The following DGKD variants were observed in gnomAD, a reference collection of about 807,000 sequenced individuals.
DGKD encodes the protein diacylglycerol kinase delta.
Under a neutral mutation model 154.4 loss-of-function variants are expected in DGKD, and 68 were observed. The ratio of observed to expected loss-of-function variants is 0.44; its 90% CI spans 0.36 to 0.54. The LOEUF (loss-of-function observed/expected upper bound fraction) is 0.54. Among genes scored for constraint, DGKD ranks in the 20% least tolerant of loss-of-function variants. DGKD has a pLI of 0.00. For missense variants in DGKD, 1,343 were observed against 1,593.6 expected (o/e 0.84, Z 2.68); for synonymous variants, 693 against 638.0 (o/e 1.09, Z -1.30).
chr2:233,453,724 A>T (rs1409187677), intron 18 of DGKD, among the ~76,000 whole-genome samples: 1 of 151,692 alleles, frequency 6.6e-6, no homozygotes, highest in Non-Finnish European at 1.5e-5. Flanking sequence ...TCGGGGGGAA[A>T]CCCCAGTGTG....
intron 3 of DGKD, among the ~76,000 whole-genome samples, chr2:233,426,244 A>T (rs1367128893): frequency 6.6e-6 from 1 of 152,094 alleles, no homozygotes; most frequent in African/African-American, 2.4e-5. Context: ...TCTCTTGTAC[A>T]GTTATTTTCT....
chr2:233,412,337 T>C (rs73995943), intron 3 of DGKD, among the ~76,000 whole-genome samples: 1,932 of 152,156 alleles, frequency 0.013, 32 homozygotes, highest in African/African-American at 0.044. Flanking sequence ...GTCTTTAACG[T>C]CTTTTGTTAG....
intron 3 of DGKD, among the ~76,000 whole-genome samples, chr2:233,397,900 G>A (rs1387392161): frequency 6.6e-6 from 1 of 151,956 alleles, no homozygotes; most frequent in African/African-American, 2.4e-5. Flanking sequence ...GGCTGGTTAA[G>A]TGAGCTCAGG....
chr2:233,456,351 G>A (rs2063461650), intron 19 of DGKD, among the ~76,000 whole-genome samples: 2 of 152,352 alleles, frequency 1.3e-5, no homozygotes, highest in East Asian at 3.9e-4. Context: ...AGCATTGCCG[G>A]CGCAGGGTAA....
chr2:233,432,740 A>G (rs917664379), intron 3 of DGKD, among the ~76,000 whole-genome samples: 7 of 152,226 alleles, frequency 4.6e-5, no homozygotes, highest in South Asian at 2.1e-4. Flanking sequence ...CGAGAGCTCA[A>G]ATAATTCAAA....
intron 1 of DGKD, among the ~76,000 whole-genome samples, chr2:233,378,137 G>T (rs1438915747): frequency 4.0e-5 from 6 of 151,694 alleles, no homozygotes; most frequent in South Asian, 4.2e-4. Flanking sequence ...TTTGAGGCCG[G>T]GTGTGGTGGC....
intron 3 of DGKD, chr2:233,429,305 A>G: frequency 4.1e-6 from 4 of 985,190 alleles, no homozygotes; most frequent in Non-Finnish European, 4.8e-6. Context: ...ACAGTAAGGT[A>G]TATTATCTTT....
chr2:233,403,663 G>A (rs1194651602), intron 3 of DGKD, among the ~76,000 whole-genome samples: 1 of 149,262 alleles, frequency 6.7e-6, no homozygotes, highest in East Asian at 2.0e-4. Context: ...TTTTTTAGAT[G>A]GAGTCTCGCT....
At chr2:233,374,260 A>G (rs1702462648) in intron 1 of DGKD, among the ~76,000 whole-genome samples, 1 of 152,156 alleles carries the variant, frequency 6.6e-6, no homozygotes, top group African/African-American at 2.4e-5. Flanking sequence ...CATGTTGGCC[A>G]GGCTGATTAC....
chr2:233,366,487 C>T (rs192706792), intron 1 of DGKD, among the ~76,000 whole-genome samples: 103 of 152,224 alleles, frequency 6.8e-4, no homozygotes, highest in African/African-American at 2.3e-3. Context: ...TAATGGAACT[C>T]TTCTCTGATA....
chr2:233,445,827 T>C lies in DGKD; in HGVS notation c.1334+65T>C, dbSNP rs1240367539. On this transcript the variant is annotated intron_variant, in intron 11 of 29. Transcript: ENST00000264057. The surrounding 1 kb of genome is among the most constrained non-coding windows in gnomAD (Gnocchi z 5.5). ...TGAGAGACAGGTCCCTTTGACCAGG[T>C]GTTCTTAACCTGGGGTCTGTGGAAA... 2.0e-6 allele frequency: 3 copies of C among 1,506,464 alleles called. No homozygotes were observed. Among genetic ancestry groups the C allele is most frequent in the African/African-American group, 2.8e-5 (2 of 71,342 alleles). The allele number at this position is 1,506,464 out of a possible 1,614,324, so 93.3% of individuals were successfully genotyped here. A position where few individuals can be genotyped will look rare whatever the true frequency, so the allele number is the denominator to read the frequency against.
intron 3 of DGKD, among the ~76,000 whole-genome samples, chr2:233,428,278 G>A (rs1319194509): frequency 3.3e-5 from 5 of 152,310 alleles, no homozygotes; most frequent in East Asian, 1.9e-4. Context: ...GCTGGGGACC[G>A]ACATAGAGAA....
Position 233,452,121 on chromosome 2 carries a change from C to T in DGKD, c.2264+61C>T, listed in dbSNP as rs1048160666. 1.6e-5 allele frequency: 23 copies of T among 1,461,260 alleles called. 1 individual carries two copies. The Middle Eastern group carries it at 7.0e-4, about 44-fold the overall frequency. 90.5% of individuals were successfully genotyped at this position (1,461,260 alleles called of 1,614,324 possible). On this transcript the variant is annotated intron_variant, in intron 18 of 29. Coordinates refer to ENST00000264057, the MANE Select transcript of DGKD (RefSeq NM_152879.3). This position sits in a 1 kb window ranked among gnomAD's most constrained non-coding sequence, Gnocchi z 4.0. ...TACATGGCTGCTAGTGCATAGAAAACAGATCTCAGGATTAACTAGAGAAAT... is the reference window on the plus strand; with the variant it reads ...TACATGGCTGCTAGTGCATAGAAAATAGATCTCAGGATTAACTAGAGAAAT...
Position 233,449,972 on chromosome 2 carries a change from C to G in DGKD, c.1889-10C>G. 5 of 1,588,232 alleles carry G rather than the reference C, an allele frequency of 3.1e-6. No homozygotes were observed. Among genetic ancestry groups the G allele is most frequent in the Non-Finnish European group, 4.3e-6 (5 of 1,166,250 alleles). On this transcript the variant is annotated splice_polypyrimidine_tract_variant and intron_variant, in intron 15 of 29. Coordinates refer to ENST00000264057, the MANE Select transcript of DGKD (RefSeq NM_152879.3). This position sits in a 1 kb window ranked among gnomAD's most constrained non-coding sequence, Gnocchi z 5.3. ...CCGCGTGCTCAGCCGCACACACTCT[C>G]CTTGCACAGCTGTCGATGAGCAGAA...
At chr2:233,451,759 C>T (rs773478653) in intron 17 of DGKD, among the ~76,000 whole-genome samples, 9 of 152,148 alleles carry the variant, frequency 5.9e-5, no homozygotes, top group Non-Finnish European at 8.8e-5. Flanking sequence ...GTGTTGGTTT[C>T]TGCCACCCAG....
intron 3 of DGKD, among the ~76,000 whole-genome samples, chr2:233,400,433 G>T (rs2061531544): frequency 6.6e-6 from 1 of 152,208 alleles, no homozygotes; most frequent in African/African-American, 2.4e-5. Context: ...CACACCCAGT[G>T]CCCACTGCCC....
Position 233,449,390 on chromosome 2 carries a change from T to C in DGKD, c.1888+14T>C, listed in dbSNP as rs377212824. 11 of 1,586,060 alleles carry C rather than the reference T, an allele frequency of 6.9e-6. No homozygotes were observed. The highest frequency in any genetic ancestry group is 1.7e-5 in the Admixed American group (1 of 59,332). ...ACACAGAAAAAGGTAACTGGCCTTG[T>C]GATGAGGAGGGGCTTTCCTCAGGCC... On this transcript the variant is annotated intron_variant, in intron 15 of 29. Transcript: ENST00000264057. This position sits in a 1 kb window ranked among gnomAD's most constrained non-coding sequence, Gnocchi z 5.3.
Position 233,468,450 on chromosome 2 carries a change from C to T in DGKD, c.3452C>T (p.Ala1151Val), listed in dbSNP as rs1395405282. The T allele has an allele frequency of 1.9e-6, 3 of 1,613,400 alleles. No individual in the cohort carries two copies. In the African/African-American group the frequency reaches 4.0e-5, roughly 22 times the overall value. Residue 1151 changes from alanine to valine, a missense_variant, in exon 29 of 30, where the codon GCT (alanine) becomes GTT (valine). Transcript: ENST00000264057. ...CACCTCTGGGGGACAGAGGAGGTTGCTGCCTGGCTGGAGCACCTCAGTCTC... is the reference window on the plus strand; with the variant it reads ...CACCTCTGGGGGACAGAGGAGGTTGTTGCCTGGCTGGAGCACCTCAGTCTC... ...PVHLWGTEEVAAWLEHLSLCE... is the reference protein window; with the variant it reads ...PVHLWGTEEVVAWLEHLSLCE...
intron 1 of DGKD, among the ~76,000 whole-genome samples, chr2:233,357,400 A>G (rs112204761): frequency 6.6e-6 from 1 of 152,176 alleles, no homozygotes; most frequent in Non-Finnish European, 1.5e-5. Context: ...ACAAAAGAGA[A>G]TGTCTTAGGG....
Sources: allele counts gnomAD v4.1 joint callset (sites outside exome capture counted in the v4.1 genomes callset), GRCh38; gene constraint gnomAD v4.1.1; non-coding constraint Gnocchi (gnomAD v3.1); transcripts MANE v1.5; gene names NCBI Gene and HGNC (gene_info 2026-07-23, HGNC 2026-07-21).